Variants in ANO3 observed in about 807,000 individuals in gnomAD.
ANO3 encodes the protein anoctamin-3.
ANO3 carries 99 observed loss-of-function variants against 144.8 expected under a neutral mutation model. The observed-to-expected ratio is 0.68, with a 90% CI of 0.58 to 0.81. The LOEUF is 0.81. Ranked by LOEUF, ANO3 falls within the 30% of genes least tolerant of loss-of-function variation. The pLI is 0.00. For synonymous variants in ANO3, 414 were observed against 392.6 expected (o/e 1.05, Z -0.64); for missense variants, 905 against 1,202.2 (o/e 0.75, Z 3.66).
chr11:26,309,070 C>G (rs1854448881), upstream of ANO3, among the ~76,000 whole-genome samples: 2 of 151,998 alleles, frequency 1.3e-5, no homozygotes, highest in African/African-American at 2.4e-5. Flanking sequence ...CATAGAAAAG[C>G]TTTTTTAATA....
chr11:26,533,931 T>G (rs1030225943), intron 8 of ANO3, among the ~76,000 whole-genome samples: 1 of 152,150 alleles, frequency 6.6e-6, no homozygotes, highest in African/African-American at 2.4e-5. Flanking sequence ...TACTATAAAG[T>G]AAATACTGAA....
rs75174520 is a variant in ANO3 at position 26,434,080 on chromosome 11, G to A, written c.47-7838G>A. ...TGATTCAATTTTGTAGTATTGGTCT[G>A]TTCAGGAAATCAGTCGTTCTGTTGA... is the stretch of plus-strand genomic sequence containing the variant. On this transcript the variant is annotated intron_variant, in intron 1 of 26. Transcript: ENST00000256737. Among the ~76,000 whole-genome samples the A allele has an allele frequency of 9.8e-3, 1,488 of 152,142 alleles. 36 individuals are homozygous for A. The highest frequency in any genetic ancestry group is 0.035 in the African/African-American group (1,452 of 41,526).
chr11:26,603,104 A>G (rs1199515115), intron 17 of ANO3, among the ~76,000 whole-genome samples: 2 of 152,208 alleles, frequency 1.3e-5, no homozygotes, highest in Admixed American at 1.3e-4. Context: ...AAATTAATCC[A>G]GCATTTAGAT....
rs774639870 is a variant in ANO3, at chr11:26,647,743, A to G, written c.2463A>G (p.Ile821Met). The G allele has an allele frequency of 6.2e-7, 1 of 1,612,348 alleles. No individual in the cohort carries two copies. The highest frequency in any genetic ancestry group is 8.5e-7 in the Non-Finnish European group (1 of 1,179,030). ...IWLGILEGIG[I>M]LAVITNAFVI... ...TTGGAATTCTCGAAGGAATCGGTAT[A>G]TTGGCTGTGATCACCAATGCATTTG... Residue 821 changes from isoleucine (I) to methionine (M), a missense_variant, in exon 24 of 27, where the codon ATA becomes ATG. Ile to Met is a conservative substitution (Grantham distance 10). Coordinates refer to ENST00000256737, the MANE Select transcript of ANO3 (RefSeq NM_031418.4).
intron 14 of ANO3, among the ~76,000 whole-genome samples, chr11:26,585,686 C>T (rs1335879215): frequency 6.6e-6 from 1 of 152,110 alleles, no homozygotes; most frequent in Non-Finnish European, 1.5e-5. Flanking sequence ...CATGTCTATC[C>T]AGGGAAGCAT....
chr11:26,545,414 T>G (rs1182611986), intron 11 of ANO3, among the ~76,000 whole-genome samples: 1 of 152,062 alleles, frequency 6.6e-6, no homozygotes, highest in African/African-American at 2.4e-5. Context: ...AAAAATAAAT[T>G]TAAACATTTT....
At chr11:26,236,020 T>C (rs1852514276) in intron 1 of ANO3, among the ~76,000 whole-genome samples, 1 of 152,124 alleles carries the variant, frequency 6.6e-6, no homozygotes, top group Non-Finnish European at 1.5e-5. Context: ...TTTTCCTTCC[T>C]GAGTTTGATA....
intron 1 of ANO3, among the ~76,000 whole-genome samples, chr11:26,199,939 C>G (rs1447047721): frequency 6.6e-6 from 1 of 152,122 alleles, no homozygotes; most frequent in African/African-American, 2.4e-5. Flanking sequence ...TATGACCATA[C>G]AGTATGTTAT....
At chr11:26,351,416 AAT>A (rs1855643015) in intron 1 of ANO3, among the ~76,000 whole-genome samples, 1 of 152,064 alleles carries the variant, frequency 6.6e-6, no homozygotes, top group African/African-American at 2.4e-5. Context: ...TCATTTTTAA[AAT>A]ATATTTTATT....
intron 1 of ANO3, among the ~76,000 whole-genome samples, chr11:26,276,904 C>A (rs960882060): frequency 3.3e-5 from 5 of 152,114 alleles, no homozygotes; most frequent in African/African-American, 9.7e-5. Context: ...CTGACCTCTC[C>A]TTTTGCAGTA....
intron 14 of ANO3, among the ~76,000 whole-genome samples, chr11:26,561,629 T>C (rs978324864): frequency 6.6e-6 from 1 of 151,972 alleles, no homozygotes; most frequent in Admixed American, 6.6e-5. Context: ...ATTTTTAAAT[T>C]AATGTTATTA....
chr11:26,644,815 T>TCACACACACACACACACACA (rs71449132), intron 23 of ANO3, among the ~76,000 whole-genome samples: 1 of 145,200 alleles, frequency 6.9e-6, no homozygotes, highest in Non-Finnish European at 1.5e-5. Context: ...GGAATACTAA[T>TCACACACACACACACACACA]CACACACACA....
At chr11:26,654,409 CT>C (rs1305206068) in intron 24 of ANO3, among the ~76,000 whole-genome samples, 3 of 151,806 alleles carry the variant, frequency 2.0e-5, no homozygotes, top group African/African-American at 7.2e-5. Context: ...ATTTTATTTT[CT>C]TTTGTTTGCT....
rs1242101853 is a variant in ANO3 at position 26,558,701 on chromosome 11, TATG to T, written c.1387-1013_1387-1011del. 2.6e-5 allele frequency among the ~76,000 whole-genome samples: 4 copies of T among 152,302 alleles called. No individual in the cohort carries two copies. In the East Asian group the frequency reaches 5.8e-4, roughly 22 times the overall value. ...TGCCACATTATAGGAAAATACATTT[TATG>T]ATGACTTGCTTTACATATATTTTGC... On this transcript the variant is annotated intron_variant, in intron 13 of 26. Coordinates refer to ENST00000256737, the MANE Select transcript of ANO3 (RefSeq NM_031418.4).
At chr11:26,257,552 C>T (rs117813646) in intron 1 of ANO3, among the ~76,000 whole-genome samples, 4,231 of 152,080 alleles carry the variant, frequency 0.028, 77 homozygotes, top group Admixed American at 0.045. Flanking sequence ...TTTTCATTCA[C>T]GTTATGGAGT....
chr11:26,335,338 C>T (rs1300049513), intron 1 of ANO3, among the ~76,000 whole-genome samples: 1 of 152,050 alleles, frequency 6.6e-6, no homozygotes, highest in Admixed American at 6.5e-5. Context: ...GCTCATTCAC[C>T]TTTGGTTGGC....
intron 1 of ANO3, among the ~76,000 whole-genome samples, chr11:26,235,451 AT>A (rs1188964882): frequency 6.6e-6 from 1 of 152,058 alleles, no homozygotes; most frequent in African/African-American, 2.4e-5. Context: ...ATCCAACCTA[AT>A]GGTCTTTCTG....
intron 3 of ANO3, among the ~76,000 whole-genome samples, chr11:26,459,623 T>G (rs986452400): frequency 3.3e-5 from 5 of 151,834 alleles, no homozygotes; most frequent in Non-Finnish European, 7.4e-5. Flanking sequence ...TATATATATA[T>G]AGGCCAGGCC....
At chr11:26,531,589 C>T (rs187661279) in intron 8 of ANO3, among the ~76,000 whole-genome samples, 1 of 152,180 alleles carries the variant, frequency 6.6e-6, no homozygotes, top group Non-Finnish European at 1.5e-5. Flanking sequence ...TAGTTTCTAA[C>T]ACTTTAAAAA....
Sources: allele counts gnomAD v4.1 joint callset (sites outside exome capture counted in the v4.1 genomes callset), GRCh38; gene constraint gnomAD v4.1.1; transcripts MANE v1.5; gene names NCBI Gene and HGNC (gene_info 2026-07-23, HGNC 2026-07-21).